Variants in SYNDIG1L observed in about 807,000 individuals in gnomAD.
The protein encoded by SYNDIG1L is synapse differentiation inducing 1 like, also known as synapse differentiation-inducing gene protein 1-like.
Under a neutral mutation model 20.1 loss-of-function variants are expected in SYNDIG1L, and 13 were observed. The ratio of observed to expected loss-of-function variants is 0.65; its 90% CI spans 0.42 to 1.03. The LOEUF (loss-of-function observed/expected upper bound fraction) is 1.03. Among genes scored for constraint, SYNDIG1L ranks in the 50% least tolerant of loss-of-function variants. SYNDIG1L has a pLI of 0.00. For missense variants in SYNDIG1L, 294 were observed against 305.1 expected (o/e 0.96, Z 0.27); for synonymous variants, 128 against 129.3 (o/e 0.99, Z 0.07).
the SYNDIG1L span, among the ~76,000 whole-genome samples, chr14:74,463,795 A>G: frequency 6.6e-6 from 1 of 152,200 alleles, no homozygotes; most frequent in East Asian, 1.9e-4. Context: ...GACAGAAATG[A>G]CAGATCCAGG....
At position 74,409,718 on chromosome 14, in the gene SYNDIG1L, G is replaced by A. The variant is rs1253614851; in HGVS notation, c.27C>T (p.Asn9=). MESLSELQ[N]PLLPRSPAHL... is the part of the protein sequence containing the mutation. ...GGGCAGGGCTCCTGGGCAGCAGCGG[G>A]TTCTGTAGTTCACTCAGACTCTCCA... Residue 9 remains asparagine (N), a synonymous_variant, in exon 2 of 4, where the codon AAC becomes AAT. Transcript: ENST00000331628. 2.0e-6 allele frequency: 3 copies of A among 1,464,290 alleles called. No homozygotes were observed. Among genetic ancestry groups the A allele is most frequent in the Non-Finnish European group, 2.7e-6 (3 of 1,106,690 alleles). The allele number at this position is 1,464,290 out of a possible 1,614,324, so 90.7% of individuals were successfully genotyped here.
At chr14:74,461,405 C>T in the SYNDIG1L span, among the ~76,000 whole-genome samples, 2 of 152,160 alleles carry the variant, frequency 1.3e-5, no homozygotes, top group African/African-American at 4.8e-5. Flanking sequence ...AGATATTTGG[C>T]AGAAATTCCA....
chr14:74,425,251 A>G (rs10137096), intron 1 of SYNDIG1L, among the ~76,000 whole-genome samples: 2,357 of 152,282 alleles, frequency 0.015, 56 homozygotes, highest in African/African-American at 0.053. Flanking sequence ...AGAAAACAGG[A>G]CCCAGGTTCC....
At chr14:74,414,440 G>A (rs1440308008) in intron 1 of SYNDIG1L, among the ~76,000 whole-genome samples, 2 of 152,166 alleles carry the variant, frequency 1.3e-5, no homozygotes, top group Non-Finnish European at 2.9e-5. Context: ...TGAGAACTTA[G>A]CTGGGCCCGA....
At position 74,409,585 on chromosome 14, in the gene SYNDIG1L, G is replaced by C; in HGVS notation, c.160C>G (p.Leu54Val). ...GGAGPAGAHQ[L>V]LDPGSLQLAV... Reference sequence around the variant, plus strand: ...AGCTGCAGGGACCCTGGGTCCAGGAGCTGGTGGGCTCCGGCAGGCCCAGCG... The same window carrying C: ...AGCTGCAGGGACCCTGGGTCCAGGACCTGGTGGGCTCCGGCAGGCCCAGCG... Residue 54 changes from leucine to valine, a missense_variant, in exon 2 of 4, where the codon CTC becomes GTC. Transcript: ENST00000331628. The C allele has an allele frequency of 6.6e-7, 1 of 1,511,134 alleles. No individual in the cohort carries two copies. The highest frequency in any genetic ancestry group is 8.8e-7 in the Non-Finnish European group (1 of 1,131,188). 93.6% of individuals were successfully genotyped at this position (1,511,134 alleles called of 1,614,324 possible). A position where few individuals can be genotyped will look rare whatever the true frequency, so the allele number is the denominator to read the frequency against.
the SYNDIG1L span, chr14:74,476,578 C>G: frequency 6.5e-7 from 1 of 1,535,494 alleles, no homozygotes; most frequent in Non-Finnish European, 8.7e-7. Context: ...GAGCAGAGAA[C>G]AGGCATGGGA....
the SYNDIG1L span, among the ~76,000 whole-genome samples, chr14:74,461,902 C>T: frequency 1.3e-5 from 1 of 78,784 alleles, no homozygotes; most frequent in African/African-American, 4.9e-5. Flanking sequence ...GGCAACATGG[C>T]GAAACCCTAT....
the SYNDIG1L span, among the ~76,000 whole-genome samples, chr14:74,478,999 T>C: frequency 1.5e-3 from 225 of 152,292 alleles, 2 homozygotes; most frequent in African/African-American, 5.2e-3. Flanking sequence ...CCATAGGCAG[T>C]CCGAAGCCAG....
At chr14:74,472,601 T>G in the SYNDIG1L span, among the ~76,000 whole-genome samples, 2 of 152,144 alleles carry the variant, frequency 1.3e-5, no homozygotes, top group African/African-American at 2.4e-5. Flanking sequence ...TACCAGTATA[T>G]AGTGTTGAAT....
At chr14:74,413,440 C>T (rs370873372) in intron 1 of SYNDIG1L, among the ~76,000 whole-genome samples, 3 of 152,014 alleles carry the variant, frequency 2.0e-5, no homozygotes. Context: ...AGAGTAATGA[C>T]GTGAGAAAAT....
the SYNDIG1L span, among the ~76,000 whole-genome samples, chr14:74,456,828 C>A: frequency 6.6e-6 from 1 of 152,042 alleles, no homozygotes; most frequent in Non-Finnish European, 1.5e-5. Context: ...ATTCTAGGAG[C>A]AACAGCTGTG....
chr14:74,444,380 A>G, the SYNDIG1L span, among the ~76,000 whole-genome samples: 4 of 152,172 alleles, frequency 2.6e-5, no homozygotes, highest in East Asian at 7.7e-4. Flanking sequence ...AATTTATTTT[A>G]TAAGTTCAAT....
At chr14:74,459,463 C>T in the SYNDIG1L span, among the ~76,000 whole-genome samples, 6 of 152,166 alleles carry the variant, frequency 3.9e-5, no homozygotes, top group Admixed American at 2.6e-4. Flanking sequence ...CAGATTGTGC[C>T]ACTGCACTCC....
the SYNDIG1L span, among the ~76,000 whole-genome samples, chr14:74,453,949 G>A: frequency 6.6e-6 from 1 of 152,126 alleles, no homozygotes; most frequent in African/African-American, 2.4e-5. Flanking sequence ...CTGGAGAACA[G>A]AGTGAGATTC....
At chr14:74,449,962 T>C in the SYNDIG1L span, among the ~76,000 whole-genome samples, 1 of 151,948 alleles carries the variant, frequency 6.6e-6, no homozygotes, top group Non-Finnish European at 1.5e-5. Context: ...ATCACAAAAA[T>C]GATAAATCTC....
intron 1 of SYNDIG1L, among the ~76,000 whole-genome samples, chr14:74,415,876 G>C (rs931518584): frequency 1.3e-5 from 2 of 152,132 alleles, no homozygotes; most frequent in African/African-American, 4.8e-5. Flanking sequence ...GAATAGGTGA[G>C]ACAAATAGAA....
At chr14:74,448,259 G>T in the SYNDIG1L span, among the ~76,000 whole-genome samples, 2 of 151,960 alleles carry the variant, frequency 1.3e-5, no homozygotes, top group African/African-American at 4.8e-5. Context: ...CTGCTTACAA[G>T]AAACACACTT....
intron 1 of SYNDIG1L, among the ~76,000 whole-genome samples, chr14:74,424,354 C>T (rs1162380067): frequency 3.3e-5 from 5 of 152,088 alleles, no homozygotes; most frequent in Admixed American, 2.0e-4. Context: ...TGCTTTTATT[C>T]TGATACACTT....
chr14:74,453,570 G>A, the SYNDIG1L span, among the ~76,000 whole-genome samples: 11 of 151,914 alleles, frequency 7.2e-5, 1 homozygote, highest in Admixed American at 1.3e-4. Context: ...TTAGCACATC[G>A]CACACCTTAA....
Sources: allele counts gnomAD v4.1 joint callset (sites outside exome capture counted in the v4.1 genomes callset), GRCh38; gene constraint gnomAD v4.1.1; transcripts MANE v1.5; gene names NCBI Gene and HGNC (gene_info 2026-07-23, HGNC 2026-07-21).